The following AHSG variants were observed in gnomAD, a reference collection of about 807,000 sequenced individuals.
AHSG encodes alpha-2-HS-glycoprotein.
In AHSG, 23 loss-of-function variants were observed where a neutral mutation model predicts 30.1. The observed-to-expected ratio is 0.76, with a 90% CI of 0.55 to 1.08. AHSG has a LOEUF of 1.08. AHSG is among the 50% of genes least tolerant of loss of function. The pLI, the probability that AHSG is intolerant of heterozygous loss-of-function variation, is 0.00. For synonymous variants in AHSG, 164 were observed against 186.3 expected, an observed-to-expected ratio of 0.88 and a Z score of 0.98; for missense variants, 469 against 459.5, an observed-to-expected ratio of 1.02 and a Z score of -0.19.
At chr3:186,613,472 T>TGG in intron 1 of AHSG, 118 bp downstream of exon 1, 2 of 996,420 alleles carry the variant, frequency 2.0e-6, no homozygotes, top group Non-Finnish European at 2.9e-6. Context: ...ATTCTCTGAT[T>TGG]TCTTCCCAGG....
Position 186,613,290 on chromosome 3 carries a change from A to G in AHSG, c.149A>G (p.Gln50Arg). The G allele has an allele frequency of 6.2e-7, 1 of 1,614,184 alleles. No individual in the cohort carries two copies. Among genetic ancestry groups the G allele is most frequent in the Non-Finnish European group, 8.5e-7 (1 of 1,180,010 alleles). The change falls in exon 1 of 7, where the codon CAA becomes CGA. Residue 50 changes from glutamine (Q) to arginine (R), a missense_variant. By Grantham distance (43) the Gln-to-Arg change is conservative. Transcript: ENST00000411641. ...AALVAIDYIN[Q>R]NLPWGYKHTL... The stretch of plus-strand genomic sequence containing the variant: ...CTGGTGGCTATAGACTACATCAATC[A>G]AAACCTTCCTTGGGGATACAAACAC...
chr3:186,615,343 A>T (rs558737574), intron 1 of AHSG, among the ~76,000 whole-genome samples: 16 of 152,330 alleles, frequency 1.1e-4, no homozygotes, highest in Admixed American at 5.9e-4. Context: ...TAAATAAATA[A>T]TAAATACAAA....
rs767986014 is a variant in AHSG at position 186,617,427 on chromosome 3, A to C, written c.573+77A>C. ...AATGTACTGTACGTGGTGGAGCGGGAGGCAGGGAAGAACAGGCGCAGGGGC... is the reference window on the plus strand; with the variant it reads ...AATGTACTGTACGTGGTGGAGCGGGCGGCAGGGAAGAACAGGCGCAGGGGC... On this transcript the variant is annotated intron_variant, in intron 4 of 6. Transcript: ENST00000411641. The C allele has an allele frequency of 6.2e-6, 10 of 1,611,594 alleles. No individual in the cohort carries two copies. In the South Asian group the frequency reaches 1.1e-4, roughly 18 times the overall value.
At chr3:186,620,515 A>G (rs773997778) in intron 6 of AHSG, 71 bp from the exon 7 acceptor site, 499 of 1,377,022 alleles carry the variant, frequency 3.6e-4, no homozygotes, top group Middle Eastern at 1.9e-3. Context: ...TGCCAGTGCC[A>G]CCTGGGCCTG....
intron 1 of AHSG, among the ~76,000 whole-genome samples, 175 bp from the exon 2 acceptor site, chr3:186,615,510 C>T (rs1052518536): frequency 6.6e-6 from 1 of 152,176 alleles, no homozygotes; most frequent in African/African-American, 2.4e-5. Context: ...TGGTCATTGT[C>T]CTGCCCACAG....
intron 1 of AHSG, among the ~76,000 whole-genome samples, chr3:186,614,466 C>A (rs1716235571): frequency 6.6e-6 from 1 of 152,190 alleles, no homozygotes; most frequent in Non-Finnish European, 1.5e-5. Context: ...GACCGACTGA[C>A]GACTGCCATC....
chr3:186,620,878 CT>C lies in AHSG; in HGVS notation c.1053del (p.Pro353GlnfsTer57). ...GTGCAGCCTAGTGTTGGTGCTGCTGCTGGGCCAGTGGTTCCTCCATGTCCGG... is the reference window on the plus strand; with the variant it reads ...GTGCAGCCTAGTGTTGGTGCTGCTGCGGGCCAGTGGTTCCTCCATGTCCGG... ...TVVQPSVGAA[A>X]GPVVPPCPGR... On this transcript the variant is annotated frameshift_variant, in exon 7 of 7. Transcript: ENST00000411641. LOFTEE classifies it high-confidence loss of function. The C allele has an allele frequency of 6.2e-7, 1 of 1,614,146 alleles. No individual in the cohort carries two copies. The highest frequency in any genetic ancestry group is 8.5e-7 in the Non-Finnish European group (1 of 1,180,010).
chr3:186,621,051 T>C lies in AHSG; in HGVS notation c.*121T>C, dbSNP rs1716479800. On this transcript the variant is annotated 3_prime_UTR_variant, in exon 7 of 7. Coordinates refer to ENST00000411641, the MANE Select transcript of AHSG (RefSeq NM_001622.4). ...ACGCAAGTGTCACATGCGATCTACATTAATATCAAGTCTTGACTCCCTACT... is the reference window on the plus strand; with the variant it reads ...ACGCAAGTGTCACATGCGATCTACACTAATATCAAGTCTTGACTCCCTACT... 1.1e-6 allele frequency: 1 copy of C among 924,796 alleles called. No homozygotes were observed. The highest frequency in any genetic ancestry group is 1.6e-6 in the Non-Finnish European group (1 of 617,476). The allele number at this position is 924,796 out of a possible 1,614,324, so 57.3% of individuals were successfully genotyped here.
chr3:186,621,005 G>T lies in AHSG; in HGVS notation c.*75G>T, dbSNP rs906437291. 23 of 1,443,442 alleles carry T rather than the reference G, an allele frequency of 1.6e-5. No individual in the cohort carries two copies. Among genetic ancestry groups the T allele is most frequent in the East Asian group, 2.4e-5 (1 of 41,830 alleles). The allele number at this position is 1,443,442 out of a possible 1,614,324, so 89.4% of individuals were successfully genotyped here. On this transcript the variant is annotated 3_prime_UTR_variant, in exon 7 of 7. Transcript: ENST00000411641. ...ATTTTGTCCAAGCCTGGGCATGGGT[G>T]GGGGGCCTTGTCTGCTGGCCACGCA...
In AHSG at chr3:186,616,527, G is replaced by C; in HGVS notation, c.409G>C (p.Asp137His). Residue 137 changes from aspartate (D) to histidine (H), a missense_variant and splice_region_variant, in exon 3 of 7, where the codon GAC becomes CAC. Physicochemically the swap from Asp to His is moderately conservative, Grantham distance 81 (BLOSUM62 -1). Coordinates refer to ENST00000411641, the MANE Select transcript of AHSG (RefSeq NM_001622.4). ...ATACGCAAAATGTGATTCCAGTCCA[G>C]GTACAGATGACTATTCTTATTCTCA... ...VVYAKCDSSP[D>H]SAEDVRKVCQ... The C allele has an allele frequency of 6.2e-7, 1 of 1,606,356 alleles. No homozygotes were observed. The highest frequency in any genetic ancestry group is 8.5e-7 in the Non-Finnish European group (1 of 1,175,554).
Position 186,615,785 on chromosome 3 carries a change from T to C in AHSG, c.314T>C (p.Leu105Pro). 6.2e-7 allele frequency: 1 copy of C among 1,614,198 alleles called. No individual in the cohort carries two copies. Among genetic ancestry groups the C allele is most frequent in the East Asian group, 2.2e-5 (1 of 44,880 alleles). Residue 105 changes from leucine (L) to proline (P), a missense_variant, in exon 2 of 7, where the codon CTG (leucine) becomes CCG (proline). Leu to Pro is a moderately conservative substitution (Grantham distance 98). Coordinates refer to ENST00000411641, the MANE Select transcript of AHSG (RefSeq NM_001622.4). ...GTGGCAAGATGCAGCGTGAGGCAGC[T>C]GAAGGAGCATGTGAGTACCCTTCTT... Reference protein sequence around the residue: ...TPVARCSVRQLKEHAVEGDCD... With the variant: ...TPVARCSVRQPKEHAVEGDCD...
At chr3:186,617,560 C>G (rs1480098301) in intron 4 of AHSG, 4 of 861,486 alleles carry the variant, frequency 4.6e-6, no homozygotes, top group Non-Finnish European at 7.2e-6. Flanking sequence ...AGCGCCTCCC[C>G]CATGCTGAGC....
rs1716475635 is a variant in AHSG, at chr3:186,620,930, G to A, written c.1104G>A (p.Ter368=). The change falls in exon 7 of 7, where the codon TAG becomes TAA. Residue 368 remains the stop codon, a stop_retained_variant. Transcript: ENST00000411641. ...CPGRIRHFKV[*] ...GGAGGATCAGACACTTCAAGGTCTA[G>A]GCTAGACATGGCAGAGATGAGGAGG... is the stretch of plus-strand genomic sequence containing the variant. 1 of 1,605,102 alleles carries A rather than the reference G, an allele frequency of 6.2e-7. No individual in the cohort carries two copies. Among genetic ancestry groups the A allele is most frequent in the South Asian group, 1.1e-5 (1 of 90,954 alleles).
Position 186,620,753 on chromosome 3 carries a change from G to C in AHSG, c.927G>C (p.Leu309Phe), listed in dbSNP as rs1179160244. The C allele has an allele frequency of 6.2e-7, 1 of 1,614,174 alleles. No homozygotes were observed. The highest frequency in any genetic ancestry group is 2.2e-5 in the East Asian group (1 of 44,876). Residue 309 changes from leucine (L) to phenylalanine (F), a missense_variant, in exon 7 of 7, where the codon TTG becomes TTC. Leu to Phe is a conservative substitution (Grantham distance 22). Coordinates refer to ENST00000411641, the MANE Select transcript of AHSG (RefSeq NM_001622.4). ...VLLAAPPGHQ[L>F]HRAHYDLRHT... ...TGGCAGCTCCTCCAGGACACCAGTT[G>C]CACCGGGCGCACTACGACCTGCGCC...
Position 186,615,560 on chromosome 3 carries a change from G to A in AHSG, c.214-125G>A, listed in dbSNP as rs1716270467. Reference sequence around the variant, plus strand: ...AGACGGAGTTGCAGACTGACAGTAAGAATGACATTTCCCTCACCTCTCCAA... The same window carrying A: ...AGACGGAGTTGCAGACTGACAGTAAAAATGACATTTCCCTCACCTCTCCAA... On this transcript the variant is annotated intron_variant, in intron 1 of 6. Transcript: ENST00000411641. 4.2e-6 allele frequency: 3 copies of A among 710,702 alleles called. No individual in the cohort carries two copies. The Admixed American group carries it at 6.4e-5, about 15-fold the overall frequency. The allele number at this position is 710,702 out of a possible 1,614,324, so 44.0% of individuals were successfully genotyped here.
intron 4 of AHSG, among the ~76,000 whole-genome samples, chr3:186,618,192 G>A (rs73185623): frequency 1.6e-3 from 250 of 152,304 alleles, no homozygotes; most frequent in Non-Finnish European, 3.0e-3. Flanking sequence ...TGCAGCCCAA[G>A]AGTGAGGGCT....
In AHSG at chr3:186,617,149, A is replaced by G. The variant is rs114235969; in HGVS notation, c.410-38A>G. The G allele has an allele frequency of 1.1e-3, 1,682 of 1,582,152 alleles. 17 individuals carry two copies. The African/African-American group carries it at 0.021, about 20-fold the overall frequency. On this transcript the variant is annotated intron_variant, in intron 3 of 6. Transcript: ENST00000411641. ...GCAGAGCTGGGGCCATGCCAGGGAGAATGGCTGCCCACATCCTGGTTTCCT... is the reference window on the plus strand; with the variant it reads ...GCAGAGCTGGGGCCATGCCAGGGAGGATGGCTGCCCACATCCTGGTTTCCT...
At position 186,618,449 on chromosome 3, in the gene AHSG, C is replaced by T. The variant is rs375237668; in HGVS notation, c.574-87C>T. 509 of 1,566,716 alleles carry T rather than the reference C, an allele frequency of 3.2e-4. 1 individual carries two copies. In the South Asian group the frequency reaches 3.5e-3, roughly 11 times the overall value. On this transcript the variant is annotated intron_variant, in intron 4 of 6. Transcript: ENST00000411641. The stretch of plus-strand genomic sequence containing the variant: ...CATGGTCTGCATGAATGGTGCTCCC[C>T]GAAGGAGGCTACTTCCCGCTCTCCT...
intron 4 of AHSG, chr3:186,617,653 G>T: frequency 2.1e-6 from 1 of 469,022 alleles, no homozygotes; most frequent in Non-Finnish European, 3.9e-6. Context: ...CTCAGTGTCA[G>T]CTGGTAGAGT....
Sources: gnomAD v4.1 joint callset for allele counts (sites outside exome capture counted in the v4.1 genomes callset) on GRCh38, gnomAD v4.1.1 for gene constraint, MANE v1.5 for transcripts, NCBI Gene and HGNC (gene_info 2026-07-23, HGNC 2026-07-21) for gene names.